SPINK5: variants seen among roughly 807,000 people sequenced by gnomAD.
SPINK5 encodes the protein serine peptidase inhibitor Kazal type 5.
Under a neutral mutation model 151.8 loss-of-function variants are expected in SPINK5, and 125 were observed. The ratio of observed to expected loss-of-function variants is 0.82; its 90% CI spans 0.71 to 0.96. The LOEUF is 0.96. Ranked by LOEUF, SPINK5 falls within the 40% of genes least tolerant of loss-of-function variation. SPINK5 has a pLI of 0.00. For synonymous variants in SPINK5, 374 were observed against 395.3 expected (o/e 0.95, Z 0.64); for missense variants, 1,194 against 1,291.9 (o/e 0.92, Z 1.16).
rs1024731207 is a variant in SPINK5, at chr5:148,134,682, G to A, written c.3186+795G>A. 3.3e-5 allele frequency among the ~76,000 whole-genome samples: 5 copies of A among 151,996 alleles called. No homozygotes were observed. In the East Asian group the frequency reaches 7.7e-4, roughly 23 times the overall value. ...TATGAATTTAGAAAAAGAGTCGAAA[G>A]TATGAACTTTTTCTAACAGACCATG... On this transcript the variant is annotated intron_variant, in intron 32 of 32. Transcript: ENST00000256084.
chr5:148,071,411 G>A (rs1233829711), intron 3 of SPINK5, among the ~76,000 whole-genome samples: 2 of 152,012 alleles, frequency 1.3e-5, no homozygotes, highest in Non-Finnish European at 2.9e-5. Flanking sequence ...ATTTAATAGA[G>A]GATGGGAGGC....
chr5:148,095,966 G>A, intron 10 of SPINK5, 61 bp downstream of exon 10: 1 of 1,294,826 alleles, frequency 7.7e-7, no homozygotes, highest in South Asian at 1.2e-5. Context: ...GTGCGTGTGT[G>A]AGAGAGTGCA....
In SPINK5 at chr5:148,110,814, T is replaced by C. The variant is rs957605648; in HGVS notation, c.1693-954T>C. 2.6e-5 allele frequency among the ~76,000 whole-genome samples: 4 copies of C among 151,576 alleles called. No homozygotes were observed. In the South Asian group the frequency reaches 8.3e-4, roughly 31 times the overall value. ...TGCAAATATCTAATGCATGCAAATATCTAATATTATTAGCCCCCTCATGCA... is the reference window on the plus strand; with the variant it reads ...TGCAAATATCTAATGCATGCAAATACCTAATATTATTAGCCCCCTCATGCA... On this transcript the variant is annotated intron_variant, in intron 18 of 32. Transcript: ENST00000256084.
chr5:148,115,766 C>G (rs1461300004), intron 21 of SPINK5, among the ~76,000 whole-genome samples: 3 of 151,390 alleles, frequency 2.0e-5, no homozygotes, highest in Non-Finnish European at 4.4e-5. Flanking sequence ...TGGCGATAAA[C>G]ACAGCTGGAG....
intron 1 of SPINK5, among the ~76,000 whole-genome samples, chr5:148,064,962 TA>T (rs1752539639): frequency 6.6e-6 from 1 of 152,190 alleles, no homozygotes; most frequent in South Asian, 2.1e-4. Context: ...GTTTCAACTA[TA>T]ATATAGTTTC....
chr5:148,110,090 C>A (rs542641326), intron 18 of SPINK5, among the ~76,000 whole-genome samples: 77 of 152,256 alleles, frequency 5.1e-4, no homozygotes, highest in African/African-American at 1.8e-3. Flanking sequence ...GCTTCATTTC[C>A]CTACCAGTAA....
At position 148,073,455 on chromosome 5, in the gene SPINK5, A is replaced by G. The variant is rs114760852; in HGVS notation, c.282+1235A>G. 9.3e-3 allele frequency among the ~76,000 whole-genome samples: 1,413 copies of G among 151,952 alleles called. 29 individuals are homozygous for G. Among genetic ancestry groups the G allele is most frequent in the African/African-American group, 0.032 (1,340 of 41,500 alleles). ...TCTGTAGCAAAAGAGAGCTACTTTT[A>G]TATTCTACAAAATCTGTGGGGGCCA... On this transcript the variant is annotated intron_variant, in intron 4 of 32. Transcript: ENST00000256084.
chr5:148,101,034 G>A (rs1231203424), intron 13 of SPINK5, among the ~76,000 whole-genome samples: 1 of 152,124 alleles, frequency 6.6e-6, no homozygotes, highest in Non-Finnish European at 1.5e-5. Flanking sequence ...AGGCTTGGGA[G>A]TCATTAGAGA....
chr5:148,083,463 C>T (rs183826854), intron 4 of SPINK5, among the ~76,000 whole-genome samples: 335 of 151,254 alleles, frequency 2.2e-3, no homozygotes, highest in Middle Eastern at 0.015. Context: ...AAAATATTTT[C>T]GGTTACTATA....
chr5:148,117,366 T>G (rs1754122049), intron 22 of SPINK5, among the ~76,000 whole-genome samples: 1 of 152,228 alleles, frequency 6.6e-6, no homozygotes, highest in Admixed American at 6.5e-5. Context: ...ACTTTGGGTT[T>G]TCCTCCAGCA....
intron 19 of SPINK5, 46 bp from the exon 20 acceptor site, chr5:148,112,820 ATG>A: frequency 6.2e-7 from 1 of 1,611,912 alleles, no homozygotes; most frequent in Non-Finnish European, 8.5e-7. Flanking sequence ...TTAGGGTAGT[ATG>A]TATTGGGTGC....
intron 4 of SPINK5, among the ~76,000 whole-genome samples, chr5:148,075,219 C>T (rs560903564): frequency 5.3e-5 from 8 of 151,496 alleles, no homozygotes; most frequent in Non-Finnish European, 7.4e-5. Context: ...TTTATCATAG[C>T]GGTTTTTACC....
intron 10 of SPINK5, among the ~76,000 whole-genome samples, chr5:148,097,089 ATTC>A (rs1753489867): frequency 7.4e-6 from 1 of 134,914 alleles, no homozygotes; most frequent in African/African-American, 2.7e-5. Flanking sequence ...TCTTCTCTCT[ATTC>A]TTTTTTCTCT....
chr5:148,122,032 G>GAGAACTACCGTTTTATCTACAC (rs1754281935), intron 26 of SPINK5, among the ~76,000 whole-genome samples: 1 of 151,116 alleles, frequency 6.6e-6, no homozygotes, highest in Admixed American at 6.6e-5. Flanking sequence ...GTGTCAAATA[G>GAGAACTACCGTTTTATCTACAC]AGAACTACCG....
intron 30 of SPINK5, among the ~76,000 whole-genome samples, chr5:148,127,897 TGTAA>T (rs1424684820): frequency 6.6e-6 from 1 of 152,058 alleles, no homozygotes; most frequent in Non-Finnish European, 1.5e-5. Context: ...TCACCAGTAA[TGTAA>T]GTATTAGTCT....
chr5:148,124,482 T>C (rs1754377146), intron 27 of SPINK5, among the ~76,000 whole-genome samples: 1 of 152,174 alleles, frequency 6.6e-6, no homozygotes, highest in East Asian at 1.9e-4. Flanking sequence ...CTTAAGTCTA[T>C]TATATTAAGG....
chr5:148,102,393 A>G (rs570067261), intron 15 of SPINK5, among the ~76,000 whole-genome samples: 2 of 152,294 alleles, frequency 1.3e-5, no homozygotes, highest in Admixed American at 6.5e-5. Context: ...ATGTCCTTAC[A>G]CCTTCCCAAA....
At chr5:148,116,245 A>T in intron 21 of SPINK5, 125 bp from the exon 22 acceptor site, 1 of 909,296 alleles carries the variant, frequency 1.1e-6, no homozygotes, top group Non-Finnish European at 1.8e-6. Flanking sequence ...GCAGCATAGT[A>T]GATGTTAACT....
At chr5:148,123,357 C>G (rs948852142) in intron 26 of SPINK5, among the ~76,000 whole-genome samples, 6 of 130,300 alleles carry the variant, frequency 4.6e-5, no homozygotes, top group Non-Finnish European at 7.8e-5. Flanking sequence ...ATATATATAA[C>G]AAGATTATAT....
Sources: gnomAD v4.1 joint callset for allele counts (sites outside exome capture counted in the v4.1 genomes callset) on GRCh38, gnomAD v4.1.1 for gene constraint, MANE v1.5 for transcripts, NCBI Gene and HGNC (gene_info 2026-07-23, HGNC 2026-07-21) for gene names.